AOPEP: variants seen among roughly 807,000 people sequenced by gnomAD.
AOPEP encodes the protein aminopeptidase O (putative).
A neutral mutation model predicts 98.1 loss-of-function variants in AOPEP; 77 were observed. That is an observed-to-expected ratio of 0.78 (90% CI 0.65 to 0.95). AOPEP has a LOEUF of 0.95. Ranked by LOEUF, AOPEP falls within the 40% of genes least tolerant of loss-of-function variation. The probability of loss-of-function intolerance (pLI) is 0.00; values close to 1 mark genes in which losing one functional copy is unlikely to be tolerated. For synonymous variants in AOPEP, 346 were observed against 365.3 expected (o/e 0.95, Z 0.60); for missense variants, 1,024 against 1,024.7 (o/e 1.00, Z 0.01).
chr9:94,734,426 G>A (rs563916957), intron 1 of AOPEP, among the ~76,000 whole-genome samples: 1 of 152,282 alleles, frequency 6.6e-6, no homozygotes, highest in Admixed American at 6.5e-5. Flanking sequence ...GCTTATACTT[G>A]GAGTTGCCAA....
the AOPEP span, chr9:95,114,705 G>C: frequency 6.2e-7 from 1 of 1,614,096 alleles, no homozygotes. Context: ...TGTCCCCGAG[G>C]GATATCTGCG....
In AOPEP at chr9:94,996,350, CTGTGTGTGTGTGTGTGTGTGTG is replaced by C. The variant is rs10608161; in HGVS notation, c.1978-8787_1978-8766del. 3.5e-5 allele frequency among the ~76,000 whole-genome samples: 5 copies of C among 141,782 alleles called. No individual in the cohort carries two copies. In the East Asian group the frequency reaches 6.2e-4, roughly 18 times the overall value. The allele number at this position is 141,782 out of a possible 152,430, so 93.0% of individuals were successfully genotyped here. ...CACATGTGGTGGATTTTACTTGCCTCTGTGTGTGTGTGTGTGTGTGTGTGTGTGTGTGTGTGTGTGTGAGAGA... is the reference window on the plus strand; with the variant it reads ...CACATGTGGTGGATTTTACTTGCCTCTGTGTGTGTGTGTGTGTGTGAGAGA... On this transcript the variant is annotated intron_variant, in intron 11 of 16. Coordinates refer to ENST00000375315, the MANE Select transcript of AOPEP (RefSeq NM_001193329.3).
chr9:94,817,285 G>A (rs1206022493), intron 5 of AOPEP, among the ~76,000 whole-genome samples: 1 of 152,190 alleles, frequency 6.6e-6, no homozygotes, highest in African/African-American at 2.4e-5. Flanking sequence ...GATTATAGGC[G>A]TGAACCACCA....
chr9:94,909,242 T>C (rs1230727446), intron 5 of AOPEP, among the ~76,000 whole-genome samples: 3 of 151,204 alleles, frequency 2.0e-5, no homozygotes, highest in Non-Finnish European at 4.4e-5. Context: ...AAACATGCTG[T>C]AGTTAAGGTT....
At chr9:95,024,887 T>C (rs1316426355) in intron 13 of AOPEP, among the ~76,000 whole-genome samples, 1 of 152,230 alleles carries the variant, frequency 6.6e-6, no homozygotes, top group Non-Finnish European at 1.5e-5. Context: ...ATCATACTTG[T>C]TATTATTTTG....
chr9:94,878,078 G>T (rs2047167772), intron 5 of AOPEP, among the ~76,000 whole-genome samples: 1 of 151,908 alleles, frequency 6.6e-6, no homozygotes, highest in Admixed American at 6.6e-5. Flanking sequence ...CTCTGGTTTT[G>T]TGCTAGAACA....
intron 1 of AOPEP, among the ~76,000 whole-genome samples, chr9:94,755,179 G>T (rs971674817): frequency 1.3e-5 from 2 of 152,066 alleles, no homozygotes; most frequent in African/African-American, 2.4e-5. Flanking sequence ...ACCTTTGTAT[G>T]TTATGGCTTA....
intron 13 of AOPEP, among the ~76,000 whole-genome samples, chr9:95,042,313 A>AAAATAAAT (rs71366272): frequency 3.4e-5 from 5 of 145,388 alleles, no homozygotes; most frequent in African/African-American, 1.2e-4. Context: ...CTCTGTCTCA[A>AAAATAAAT]AAATAAATAA....
intron 1 of AOPEP, among the ~76,000 whole-genome samples, chr9:94,745,570 C>T (rs930300138): frequency 7.2e-5 from 11 of 152,142 alleles, no homozygotes; most frequent in South Asian, 2.1e-4. Context: ...CCACCGTGCC[C>T]GGCAATTGTT....
chr9:94,816,404 C>CA (rs35556929), intron 5 of AOPEP, among the ~76,000 whole-genome samples: 151,872 of 152,346 alleles, frequency 1, 75,701 homozygotes, highest in Middle Eastern at 1. Flanking sequence ...GAAATTCGTC[C>CA]TGAATTTAGT....
rs184018152 is a variant in AOPEP at position 95,055,883 on chromosome 9, C to A, written c.2116-4811C>A. On this transcript the variant is annotated intron_variant, in intron 13 of 16. Transcript: ENST00000375315. ...CAGAATTTGAGATTTCCCCCACCCCCACCGTTTCTTCTGTTTTTGTTCCAT... is the reference window on the plus strand; with the variant it reads ...CAGAATTTGAGATTTCCCCCACCCCAACCGTTTCTTCTGTTTTTGTTCCAT... Among the ~76,000 whole-genome samples the A allele has an allele frequency of 1.9e-3, 283 of 152,312 alleles. 3 individuals carry two copies. The highest frequency in any genetic ancestry group is 6.4e-3 in the African/African-American group (267 of 41,574).
chr9:94,935,738 C>A lies in AOPEP; in HGVS notation c.1661+7207C>A, dbSNP rs1383219066. On this transcript the variant is annotated intron_variant, in intron 7 of 16. Coordinates refer to ENST00000375315, the MANE Select transcript of AOPEP (RefSeq NM_001193329.3). The stretch of plus-strand genomic sequence containing the variant: ...GGTGTGGGCATGGCCGGCCATACCC[C>A]CTTTTAAGCCAAAGGCTCCCAAGTC... Among the ~76,000 whole-genome samples, 3 of 152,126 alleles carry A rather than the reference C, an allele frequency of 2.0e-5. No individual in the cohort carries two copies. The East Asian group carries it at 5.8e-4, about 29-fold the overall frequency.
At chr9:95,112,159 T>C in the AOPEP span, among the ~76,000 whole-genome samples, 10 of 152,262 alleles carry the variant, frequency 6.6e-5, no homozygotes. Context: ...AGCTATCCCC[T>C]CGCCACACTG....
At chr9:94,979,464 G>A (rs763849834) in intron 11 of AOPEP, 37 bp downstream of exon 11, 1 of 1,345,174 alleles carries the variant, frequency 7.4e-7, no homozygotes, top group South Asian at 1.2e-5. Flanking sequence ...AATCCATGGA[G>A]AGTAGTAAAG....
chr9:94,924,228 T>C, intron 6 of AOPEP, 53 bp downstream of exon 6: 4 of 1,300,198 alleles, frequency 3.1e-6, no homozygotes, highest in Non-Finnish European at 4.0e-6. Flanking sequence ...ATTCCATTTC[T>C]GGTCATTTGC....
intron 3 of AOPEP, among the ~76,000 whole-genome samples, chr9:94,785,755 A>C (rs543115658): frequency 6.6e-6 from 1 of 152,366 alleles, no homozygotes; most frequent in African/African-American, 2.4e-5. Context: ...TTTGTTTTGC[A>C]GCTGGTGTAG....
chr9:95,037,436 G>C (rs1235174321), intron 13 of AOPEP, among the ~76,000 whole-genome samples: 1 of 152,208 alleles, frequency 6.6e-6, no homozygotes, highest in Non-Finnish European at 1.5e-5. Flanking sequence ...CAGTTAAAGA[G>C]AGTGGGTAGA....
At chr9:94,844,444 C>T (rs1194280304) in intron 5 of AOPEP, among the ~76,000 whole-genome samples, 10 of 152,134 alleles carry the variant, frequency 6.6e-5, no homozygotes, top group Non-Finnish European at 1.3e-4. Context: ...ATGGTCAAAT[C>T]GGAGTAATTA....
the AOPEP span, chr9:95,126,684 A>T: frequency 8.5e-7 from 1 of 1,174,800 alleles, no homozygotes; most frequent in Non-Finnish European, 1.3e-6. Context: ...TGATGTCCAG[A>T]AAACTGGCAT....
Sources: allele counts gnomAD v4.1 joint callset (sites outside exome capture counted in the v4.1 genomes callset), GRCh38; gene constraint gnomAD v4.1.1; transcripts MANE v1.5; gene names NCBI Gene and HGNC (gene_info 2026-07-23, HGNC 2026-07-21).